MTRF1: variants seen among roughly 807,000 people sequenced by gnomAD.
MTRF1 encodes the protein mitochondrial translation release factor 1, also known as peptide chain release factor 1, mitochondrial.
MTRF1 carries 51 observed loss-of-function variants against 62.9 expected under a neutral mutation model. That is an observed-to-expected ratio of 0.81 (90% CI 0.65 to 1.02). The LOEUF (loss-of-function observed/expected upper bound fraction) is 1.02, where lower values mean the gene tolerates loss of function less well. Among genes scored for constraint, MTRF1 ranks in the 50% least tolerant of loss-of-function variants. The pLI is 0.00. For missense variants in MTRF1, 446 were observed against 530.0 expected (o/e 0.84, Z 1.56); for synonymous variants, 158 against 181.9 (o/e 0.87, Z 1.06).
At position 41,252,729 on chromosome 13, in the gene MTRF1, G is replaced by A. The variant is rs759343910; in HGVS notation, c.613C>T (p.Arg205Ter). 2.0e-5 allele frequency: 32 copies of A among 1,613,204 alleles called. No homozygotes were observed. Among genetic ancestry groups the A allele is most frequent in the South Asian group, 4.4e-5 (4 of 91,020 alleles). Residue 205 changes from arginine (R) to a stop codon, truncating the protein, a stop_gained, in exon 5 of 10, where the codon CGA becomes TGA. Transcript: ENST00000379480. LOFTEE classifies it high-confidence loss of function. The stretch of plus-strand genomic sequence containing the variant: ...TTCTGGTACATGTCAAATATTTCTC[G>A]GGTAAATTGTTGGCAGATGTCACCT... ...TGGDICQQFT[R>*]EIFDMYQNYS...
intron 7 of MTRF1, among the ~76,000 whole-genome samples, chr13:41,230,359 G>A (rs2035309735): frequency 6.6e-6 from 1 of 151,246 alleles, no homozygotes; most frequent in South Asian, 2.1e-4. Context: ...CTGCCTCCCA[G>A]GTTCAAGCAA....
At chr13:41,286,126 GAGGTGTCAGAC>G in the MTRF1 span, among the ~76,000 whole-genome samples, 2 of 145,840 alleles carry the variant, frequency 1.4e-5, no homozygotes, top group African/African-American at 5.1e-5. Context: ...GAAACTAGCA[GAGGTGTCAGAC>G]ATACTACCCA....
At chr13:41,277,677 TA>T in the MTRF1 span, among the ~76,000 whole-genome samples, 2 of 152,180 alleles carry the variant, frequency 1.3e-5, no homozygotes, top group East Asian at 3.9e-4. Context: ...TTTGGGGTTT[TA>T]TGGAGGCTTC....
chr13:41,239,846 G>A (rs188982749), intron 6 of MTRF1, among the ~76,000 whole-genome samples: 9 of 152,182 alleles, frequency 5.9e-5, no homozygotes, highest in African/African-American at 1.7e-4. Context: ...AGACTATAAA[G>A]TCCAATCTGT....
chr13:41,265,072 AT>A (rs1193827344), upstream of MTRF1, among the ~76,000 whole-genome samples: 2 of 152,158 alleles, frequency 1.3e-5, no homozygotes, highest in Admixed American at 1.3e-4. Flanking sequence ...ATTTATTCTG[AT>A]TTGTGCTTTC....
At chr13:41,306,257 G>C in the MTRF1 span, among the ~76,000 whole-genome samples, 1 of 152,014 alleles carries the variant, frequency 6.6e-6, no homozygotes, top group Non-Finnish European at 1.5e-5. Context: ...GGTGGCGGGC[G>C]CCTGTAGTCC....
chr13:41,297,167 A>G, the MTRF1 span, among the ~76,000 whole-genome samples: 4 of 152,192 alleles, frequency 2.6e-5, no homozygotes, highest in Non-Finnish European at 5.9e-5. Flanking sequence ...ATGGAGCACT[A>G]AAATGATTAC....
intron 9 of MTRF1, among the ~76,000 whole-genome samples, chr13:41,218,736 CATTT>C (rs1300811776): frequency 6.6e-6 from 1 of 152,132 alleles, no homozygotes; most frequent in Non-Finnish European, 1.5e-5. Context: ...GAACACAAAA[CATTT>C]AGTTTTGATA....
intron 7 of MTRF1, among the ~76,000 whole-genome samples, chr13:41,230,427 G>C (rs2035324514): frequency 6.6e-6 from 1 of 151,842 alleles, no homozygotes; most frequent in Non-Finnish European, 1.5e-5. Context: ...ACCAGGCCCA[G>C]CTAATTTTGT....
intron 5 of MTRF1, among the ~76,000 whole-genome samples, chr13:41,248,465 T>C (rs2038581512): frequency 6.6e-6 from 1 of 152,308 alleles, no homozygotes; most frequent in African/African-American, 2.4e-5. Context: ...TAACTCTGCC[T>C]ACTACTTGGT....
chr13:41,220,014 A>G (rs2032919267), intron 9 of MTRF1, among the ~76,000 whole-genome samples: 1 of 150,112 alleles, frequency 6.7e-6, no homozygotes, highest in African/African-American at 2.4e-5. Flanking sequence ...AAAAAAAAAA[A>G]AAAAAAGAAT....
upstream of MTRF1, among the ~76,000 whole-genome samples, chr13:41,267,089 A>C (rs995783828): frequency 6.6e-6 from 1 of 151,510 alleles, no homozygotes; most frequent in Non-Finnish European, 1.5e-5. Flanking sequence ...GATTCAAATA[A>C]AGTACATAGA....
the MTRF1 span, among the ~76,000 whole-genome samples, chr13:41,304,693 T>C: frequency 1.3e-5 from 2 of 152,238 alleles, no homozygotes; most frequent in African/African-American, 4.8e-5. Flanking sequence ...AGATGAAGGA[T>C]GCAAACTTGC....
intron 6 of MTRF1, among the ~76,000 whole-genome samples, chr13:41,237,828 C>G (rs117057711): frequency 6.6e-6 from 1 of 152,026 alleles, no homozygotes; most frequent in Non-Finnish European, 1.5e-5. Flanking sequence ...AGAATATATT[C>G]TAAGGGGAAA....
chr13:41,232,353 G>GA (rs1476447766), intron 7 of MTRF1, among the ~76,000 whole-genome samples: 1 of 151,738 alleles, frequency 6.6e-6, no homozygotes, highest in Non-Finnish European at 1.5e-5. Context: ...ACAATATGAG[G>GA]AAAAAACAAA....
At chr13:41,285,220 G>A in the MTRF1 span, among the ~76,000 whole-genome samples, 7,983 of 152,232 alleles carry the variant, frequency 0.052, 281 homozygotes, top group Non-Finnish European at 0.074. Context: ...GACAACTCTG[G>A]TATGAGGAGT....
intron 2 of MTRF1, 22 bp downstream of exon 2, chr13:41,260,471 C>T (rs764346301): frequency 1.3e-6 from 2 of 1,584,644 alleles, no homozygotes; most frequent in East Asian, 2.2e-5. Flanking sequence ...TTATGCAGGA[C>T]ACATAAGTAT....
chr13:41,242,763 G>A (rs190127542), intron 5 of MTRF1, among the ~76,000 whole-genome samples: 237 of 152,180 alleles, frequency 1.6e-3, no homozygotes, highest in Middle Eastern at 6.8e-3. Context: ...TCTCTTTCTA[G>A]AGCAATGTGC....
the MTRF1 span, among the ~76,000 whole-genome samples, chr13:41,284,342 C>T: frequency 6.8e-6 from 1 of 146,286 alleles, no homozygotes; most frequent in Non-Finnish European, 1.5e-5. Flanking sequence ...AAAAAAAATG[C>T]AAAAATTAGC....
Sources: allele counts gnomAD v4.1 joint callset (sites outside exome capture counted in the v4.1 genomes callset), GRCh38; gene constraint gnomAD v4.1.1; transcripts MANE v1.5; gene names NCBI Gene and HGNC (gene_info 2026-07-23, HGNC 2026-07-21).